Variants in CTNNBL1 observed in about 807,000 individuals in gnomAD.
The protein encoded by CTNNBL1 is catenin beta like 1.
A neutral mutation model predicts 72.7 loss-of-function variants in CTNNBL1; 31 were observed. The ratio of observed to expected loss-of-function variants is 0.43; its 90% CI spans 0.32 to 0.58. The LOEUF (loss-of-function observed/expected upper bound fraction) is 0.58, where lower values mean the gene tolerates loss of function less well. Among genes scored for constraint, CTNNBL1 ranks in the 20% least tolerant of loss-of-function variants. The pLI is 0.08. For synonymous variants in CTNNBL1, 240 were observed against 267.3 expected (o/e 0.90, Z 1.00); for missense variants, 534 against 725.1 (o/e 0.74, Z 3.03).
At position 37,868,698 on chromosome 20, in the gene CTNNBL1, C is replaced by T. The variant is rs182078049; in HGVS notation, c.1604-3227C>T. On this transcript the variant is annotated intron_variant, in intron 15 of 15. Transcript: ENST00000361383. ...TACCGTCGGCATATGTAAGCGAGGC[C>T]TCGGCACAGGTGATTCGGCAAAGGG... is the stretch of plus-strand genomic sequence containing the variant. 3.3e-5 allele frequency among the ~76,000 whole-genome samples: 5 copies of T among 152,260 alleles called. No individual in the cohort carries two copies. In the East Asian group the frequency reaches 7.7e-4, roughly 23 times the overall value.
intron 4 of CTNNBL1, among the ~76,000 whole-genome samples, chr20:37,754,829 ACAGGGTCTCGCTTTAT>A (rs1206107338): frequency 1.3e-5 from 2 of 150,500 alleles, no homozygotes; most frequent in Non-Finnish European, 3.0e-5. Flanking sequence ...TTTTTTTGAG[ACAGGGTCTCGCTTTAT>A]CACCCAGGCT....
At chr20:37,857,183 G>C (rs2072450332) in intron 13 of CTNNBL1, among the ~76,000 whole-genome samples, 1 of 152,208 alleles carries the variant, frequency 6.6e-6, no homozygotes, top group Non-Finnish European at 1.5e-5. Flanking sequence ...GAGCAAATGA[G>C]AAACTAAAGA....
At chr20:37,748,606 A>G (rs1328463394) in intron 4 of CTNNBL1, among the ~76,000 whole-genome samples, 3 of 152,202 alleles carry the variant, frequency 2.0e-5, no homozygotes, top group East Asian at 1.9e-4. Context: ...ATAACAAAAT[A>G]CCGTAAACTG....
chr20:37,820,292 T>C (rs1182294716), intron 11 of CTNNBL1, among the ~76,000 whole-genome samples: 1 of 152,190 alleles, frequency 6.6e-6, no homozygotes, highest in African/African-American at 2.4e-5. Flanking sequence ...AGAAATAACA[T>C]AATAACATAA....
intron 11 of CTNNBL1, 23 bp from the exon 12 acceptor site, chr20:37,840,079 C>T (rs2072289909): frequency 6.4e-7 from 1 of 1,573,228 alleles, no homozygotes; most frequent in Non-Finnish European, 8.7e-7. Context: ...TCAGCATGTT[C>T]TCTTTTCTCT....
At chr20:37,777,763 G>C (rs369540888) in intron 9 of CTNNBL1, 51 bp downstream of exon 9, 1 of 1,562,354 alleles carries the variant, frequency 6.4e-7, no homozygotes, top group South Asian at 1.1e-5. Flanking sequence ...GGTCTGCTTT[G>C]AATGGGAGGT....
chr20:37,714,462 C>G (rs1048934170), intron 1 of CTNNBL1, among the ~76,000 whole-genome samples: 1 of 152,154 alleles, frequency 6.6e-6, no homozygotes, highest in East Asian at 1.9e-4. Flanking sequence ...ATGATAGTAG[C>G]CCTAGTCATA....
chr20:37,780,454 T>C (rs2073616504), intron 10 of CTNNBL1, among the ~76,000 whole-genome samples: 2 of 152,178 alleles, frequency 1.3e-5, no homozygotes, highest in South Asian at 2.1e-4. Flanking sequence ...GTATATTTTC[T>C]TCTAGTCTTT....
intron 1 of CTNNBL1, 96 bp downstream of exon 1, chr20:37,694,248 C>G: frequency 1.1e-5 from 13 of 1,145,316 alleles, no homozygotes; most frequent in Non-Finnish European, 1.6e-5. Context: ...TCGCCTCACT[C>G]CCGGGCCCTC....
intron 1 of CTNNBL1, among the ~76,000 whole-genome samples, chr20:37,702,424 G>A (rs926338076): frequency 4.6e-5 from 7 of 152,158 alleles, no homozygotes; most frequent in Non-Finnish European, 1.0e-4. Flanking sequence ...CTGAAAATCT[G>A]AAAACTGGTG....
chr20:37,818,447 G>C (rs764873480), intron 11 of CTNNBL1, among the ~76,000 whole-genome samples: 1 of 152,150 alleles, frequency 6.6e-6, no homozygotes. Context: ...AGGGAATAGC[G>C]TATACAAAGG....
At chr20:37,700,901 C>G (rs995891222) in intron 1 of CTNNBL1, among the ~76,000 whole-genome samples, 1 of 152,216 alleles carries the variant, frequency 6.6e-6, no homozygotes, top group Non-Finnish European at 1.5e-5. Context: ...TCAGTAATAT[C>G]TTAGCATATC....
chr20:37,785,864 T>C (rs551984778), intron 10 of CTNNBL1, among the ~76,000 whole-genome samples: 1 of 152,284 alleles, frequency 6.6e-6, no homozygotes, highest in East Asian at 1.9e-4. Flanking sequence ...AGTCTGGGCT[T>C]GTTTGTATTC....
At chr20:37,867,373 G>A (rs1344293941) in intron 15 of CTNNBL1, among the ~76,000 whole-genome samples, 2 of 152,128 alleles carry the variant, frequency 1.3e-5, no homozygotes, top group Non-Finnish European at 2.9e-5. Flanking sequence ...CTCCGCCCTG[G>A]AAGACGACTT....
intron 1 of CTNNBL1, among the ~76,000 whole-genome samples, chr20:37,727,667 C>T (rs1396274335): frequency 1.3e-5 from 2 of 152,202 alleles, no homozygotes; most frequent in Admixed American, 1.3e-4. Flanking sequence ...AAATACCTTT[C>T]GGATACCAAA....
intron 1 of CTNNBL1, among the ~76,000 whole-genome samples, chr20:37,707,866 T>G (rs559249682): frequency 2.0e-4 from 31 of 152,236 alleles, no homozygotes; most frequent in Non-Finnish European, 2.9e-5. Context: ...CTTAGGGCCA[T>G]TGTAGGGTTA....
In CTNNBL1 at chr20:37,820,308, G is replaced by A. The variant is rs6126208; in HGVS notation, c.1213+17260G>A. Among the ~76,000 whole-genome samples the A allele has an allele frequency of 2.1e-3, 314 of 152,152 alleles. 10 individuals carry two copies. The East Asian group carries it at 0.054, about 26-fold the overall frequency. On this transcript the variant is annotated intron_variant, in intron 11 of 15. Coordinates refer to ENST00000361383, the MANE Select transcript of CTNNBL1 (RefSeq NM_030877.5). The stretch of plus-strand genomic sequence containing the variant: ...GAAATAACATAATAACATAAGTAAG[G>A]TACATAAGTACCTCTTGAATTTAAT...
rs6125991 is a variant in CTNNBL1, at chr20:37,723,501, G to A, written c.31-9378G>A. On this transcript the variant is annotated intron_variant, in intron 1 of 15. Coordinates refer to ENST00000361383, the MANE Select transcript of CTNNBL1 (RefSeq NM_030877.5). ...ACTCTGCTTTGGGATTTTGAGGAGCGCTTGATATCTTTTTTTTCCTCCAGA... is the reference window on the plus strand; with the variant it reads ...ACTCTGCTTTGGGATTTTGAGGAGCACTTGATATCTTTTTTTTCCTCCAGA... 7.2e-4 allele frequency among the ~76,000 whole-genome samples: 110 copies of A among 152,170 alleles called. 1 individual carries two copies. The highest frequency in any genetic ancestry group is 1.2e-3 in the Non-Finnish European group (79 of 67,992).
Position 37,713,421 on chromosome 20 carries a change from T to C in CTNNBL1, c.30+19269T>C, listed in dbSNP as rs559096819. On this transcript the variant is annotated intron_variant, in intron 1 of 15. Coordinates refer to ENST00000361383, the MANE Select transcript of CTNNBL1 (RefSeq NM_030877.5). The stretch of plus-strand genomic sequence containing the variant: ...ACTGATTCTGGGCTCCATGTTCTAG[T>C]TGTGATTGTCAGCAGGCGGTTGAGG... Among the ~76,000 whole-genome samples the C allele has an allele frequency of 1.7e-4, 26 of 152,308 alleles. 1 individual carries two copies. The highest frequency in any genetic ancestry group is 6.0e-4 in the African/African-American group (25 of 41,562).
Sources: allele counts gnomAD v4.1 joint callset (sites outside exome capture counted in the v4.1 genomes callset), GRCh38; gene constraint gnomAD v4.1.1; transcripts MANE v1.5; gene names NCBI Gene and HGNC (gene_info 2026-07-23, HGNC 2026-07-21).